ACSM6: variants seen among roughly 807,000 people sequenced by gnomAD.
ACSM6 encodes the protein acyl-CoA synthetase medium chain family member 6.
In ACSM6, 35 loss-of-function variants were observed where a neutral mutation model predicts 51.1. The observed-to-expected ratio is 0.69, with a 90% confidence interval of 0.52 to 0.91. ACSM6 has a LOEUF of 0.91. ACSM6 is among the 40% of genes least tolerant of loss of function. ACSM6 has a pLI of 0.00. For missense variants in ACSM6, 509 were observed against 584.1 expected, an observed-to-expected ratio of 0.87 and a Z score of 1.32; for synonymous variants, 172 against 207.3, an observed-to-expected ratio of 0.83 and a Z score of 1.46.
chr10:95,228,498 T>G, intron 10 of ACSM6, 146 bp from the exon 11 acceptor site: 1 of 733,280 alleles, frequency 1.4e-6, no homozygotes, highest in East Asian at 3.3e-5. Flanking sequence ...GTTTGTTGAG[T>G]TTTCTATGTG....
chr10:95,216,471 G>A (rs1034318522), intron 8 of ACSM6, among the ~76,000 whole-genome samples: 3 of 152,132 alleles, frequency 2.0e-5, no homozygotes, highest in African/African-American at 7.2e-5. Flanking sequence ...GGATGACAGC[G>A]GGACCTGGAA....
intron 2 of ACSM6, among the ~76,000 whole-genome samples, chr10:95,196,267 G>A (rs375450798): frequency 1.2e-4 from 19 of 152,204 alleles, no homozygotes; most frequent in African/African-American, 4.6e-4. Context: ...TCCAGGCTGG[G>A]AGGCAAGACA....
chr10:95,197,651 T>C (rs566507570), intron 2 of ACSM6, among the ~76,000 whole-genome samples: 2 of 152,246 alleles, frequency 1.3e-5, no homozygotes, highest in Non-Finnish European at 2.9e-5. Context: ...TGAACAAATG[T>C]ACAATCGGGT....
intron 8 of ACSM6, 123 bp downstream of exon 8, chr10:95,215,098 G>A (rs755705367): frequency 1.7e-6 from 2 of 1,195,916 alleles, no homozygotes; most frequent in Non-Finnish European, 2.3e-6. Context: ...CACAGGAAGA[G>A]GAAATGGCTT....
At chr10:95,202,338 G>A (rs2034802854) in intron 3 of ACSM6, 143 bp downstream of exon 3, 4 of 743,786 alleles carry the variant, frequency 5.4e-6, no homozygotes, top group Non-Finnish European at 4.5e-6. Flanking sequence ...AACAGGCCTA[G>A]ATTTGAACCC....
intron 10 of ACSM6, among the ~76,000 whole-genome samples, chr10:95,226,766 A>G (rs1440681181): frequency 6.6e-6 from 1 of 152,254 alleles, no homozygotes; most frequent in Admixed American, 6.5e-5. Context: ...TGTGTTCAAT[A>G]TAGACAACTT....
chr10:95,195,709 T>G (rs2034718199), intron 2 of ACSM6, among the ~76,000 whole-genome samples: 1 of 151,654 alleles, frequency 6.6e-6, no homozygotes, highest in African/African-American at 2.4e-5. Context: ...GGCCCCTTCC[T>G]GGCCCTCCCC....
At chr10:95,196,097 C>A (rs1407510711) in intron 2 of ACSM6, among the ~76,000 whole-genome samples, 6 of 151,944 alleles carry the variant, frequency 3.9e-5, no homozygotes, top group African/African-American at 1.4e-4. Context: ...ATGTGTGAGT[C>A]CTGGGTCCCA....
At chr10:95,225,041 T>C (rs1208508023) in intron 9 of ACSM6, among the ~76,000 whole-genome samples, 1 of 152,198 alleles carries the variant, frequency 6.6e-6, no homozygotes, top group Non-Finnish European at 1.5e-5. Flanking sequence ...CAGAGAAGTA[T>C]CCAAGAATCT....
chr10:95,212,280 G>C (rs1330520684), intron 6 of ACSM6, among the ~76,000 whole-genome samples: 1 of 152,132 alleles, frequency 6.6e-6, no homozygotes, highest in East Asian at 1.9e-4. Flanking sequence ...AGACAATAGT[G>C]ATATTGAGGA....
At chr10:95,225,237 A>G in intron 9 of ACSM6, 53 bp from the exon 10 acceptor site, 1 of 1,260,484 alleles carries the variant, frequency 7.9e-7, no homozygotes, top group Non-Finnish European at 1.1e-6. Flanking sequence ...GTGTTTTAGG[A>G]AGAGCACAAG....
At chr10:95,217,875 C>T (rs1187505296) in intron 8 of ACSM6, among the ~76,000 whole-genome samples, 2 of 152,220 alleles carry the variant, frequency 1.3e-5, no homozygotes, top group African/African-American at 4.8e-5. Context: ...GTCAAGCTCA[C>T]GCTTGGTACG....
intron 2 of ACSM6, among the ~76,000 whole-genome samples, chr10:95,195,752 A>G (rs1439078530): frequency 6.6e-6 from 1 of 151,778 alleles, no homozygotes; most frequent in Non-Finnish European, 1.5e-5. Context: ...GGAGTAAGGA[A>G]AGTGGACAAA....
At chr10:95,228,802 A>G (rs1564593664) in exon 11 of ACSM6, 1 of 1,549,428 alleles carries the variant, frequency 6.5e-7, no homozygotes, top group Non-Finnish European at 8.7e-7. Context: ...GGTTATTGCT[A>G]TTGAGCCTGG....
At chr10:95,197,302 G>A (rs1228930711) in intron 2 of ACSM6, among the ~76,000 whole-genome samples, 1 of 152,130 alleles carries the variant, frequency 6.6e-6, no homozygotes, top group South Asian at 2.1e-4. Context: ...AACAACAGTG[G>A]GCCCAGGGGA....
intron 3 of ACSM6, 133 bp from the exon 4 acceptor site, chr10:95,207,075 T>A: frequency 6.4e-6 from 5 of 777,238 alleles, no homozygotes; most frequent in Non-Finnish European, 1.0e-5. Flanking sequence ...ATCGTGTTAC[T>A]GACCCAATAG....
intron 5 of ACSM6, 68 bp downstream of exon 5, chr10:95,210,861 G>A (rs915505404): frequency 2.0e-6 from 3 of 1,513,320 alleles, no homozygotes; most frequent in Middle Eastern, 2.0e-4. Flanking sequence ...AGCTTCATGG[G>A]ACTAAAGCTA....
Position 95,210,801 on chromosome 10 carries a change from T to C in ACSM6, c.755+8T>C, listed in dbSNP as rs1248853309. On this transcript the variant is annotated splice_region_variant and intron_variant, in intron 5 of 10. Coordinates refer to ENST00000341686, the Ensembl canonical transcript of ACSM6. ...ATTCAGCCAGGCTTCCAGGTACGGT[T>C]CTCGCACAGCCTGTACAGGCCTGAA... is the stretch of plus-strand genomic sequence containing the variant. The C allele has an allele frequency of 5.6e-6, 9 of 1,613,090 alleles. No individual in the cohort carries two copies. The highest frequency in any genetic ancestry group is 7.6e-6 in the Non-Finnish European group (9 of 1,179,398).
chr10:95,217,504 G>GACAGCA (rs1564590779), intron 8 of ACSM6, among the ~76,000 whole-genome samples: 2 of 151,920 alleles, frequency 1.3e-5, no homozygotes, highest in Admixed American at 6.6e-5. Context: ...CATTCAAATA[G>GACAGCA]CATGGGAGAA....
Sources: allele counts gnomAD v4.1 joint callset (sites outside exome capture counted in the v4.1 genomes callset), GRCh38; gene constraint gnomAD v4.1.1; transcripts MANE v1.5; gene names NCBI Gene and HGNC (gene_info 2026-07-23, HGNC 2026-07-21).